Variants in FHAD1 observed in about 807,000 individuals in gnomAD.
The protein encoded by FHAD1 is forkhead associated phosphopeptide binding domain 1, also known as forkhead-associated domain-containing protein 1.
FHAD1 carries 146 observed loss-of-function variants against 191.3 expected under a neutral mutation model. The observed-to-expected ratio is 0.76, with a 90% confidence interval of 0.67 to 0.88. FHAD1 has a LOEUF of 0.88. FHAD1 is among the 40% of genes least tolerant of loss of function. FHAD1 has a pLI of 0.00. For synonymous variants in FHAD1, 616 were observed against 672.3 expected (o/e 0.92, Z 1.29); for missense variants, 1,635 against 1,785.8 (o/e 0.92, Z 1.52).
chr1:15,347,101 G>A lies in FHAD1; in HGVS notation c.2346+1578G>A, dbSNP rs182540947. On this transcript the variant is annotated intron_variant, in intron 18 of 33. Transcript: ENST00000688493. ...CAGGACAGAGAGACGTTTACATGTCGGTTCTCCCTTGGCGTCTCTGGCACA... is the reference window on the plus strand; with the variant it reads ...CAGGACAGAGAGACGTTTACATGTCAGTTCTCCCTTGGCGTCTCTGGCACA... 3.3e-3 allele frequency among the ~76,000 whole-genome samples: 503 copies of A among 152,324 alleles called. 3 individuals are homozygous for A. The highest frequency in any genetic ancestry group is 0.014 in the Middle Eastern group (4 of 294).
chr1:15,305,533 CA>C (rs1670191995), intron 6 of FHAD1, among the ~76,000 whole-genome samples: 1 of 152,192 alleles, frequency 6.6e-6, no homozygotes, highest in Non-Finnish European at 1.5e-5. Context: ...TCCTCACTTG[CA>C]AAATGGGAGC....
Position 15,318,471 on chromosome 1 carries a change from T to C in FHAD1, c.1365+543T>C, listed in dbSNP as rs1319093810. The stretch of plus-strand genomic sequence containing the variant: ...CAATGTGGTGAAACCCCGTCTCTAC[T>C]AAAAATACAAAAATTAGCCAGATGT... On this transcript the variant is annotated intron_variant, in intron 10 of 33. Coordinates refer to ENST00000688493, the MANE Select transcript of FHAD1 (RefSeq NM_001391957.1). The surrounding 1 kb of genome is among the most constrained non-coding windows in gnomAD (Gnocchi z 4.1). Among the ~76,000 whole-genome samples, 1 of 152,048 alleles carries C rather than the reference T, an allele frequency of 6.6e-6. No individual in the cohort carries two copies. Among genetic ancestry groups the C allele is most frequent in the Non-Finnish European group, 1.5e-5 (1 of 67,998 alleles).
At chr1:15,360,361 T>C in intron 21 of FHAD1, 117 bp from the exon 22 acceptor site, 1 of 801,846 alleles carries the variant, frequency 1.2e-6, no homozygotes, top group Non-Finnish European at 2.0e-6. Context: ...GAACTGCATG[T>C]GCTAAGGCCC....
intron 22 of FHAD1, among the ~76,000 whole-genome samples, 166 bp from the exon 23 acceptor site, chr1:15,362,476 T>C (rs1339927725): frequency 2.6e-5 from 4 of 152,188 alleles, no homozygotes; most frequent in African/African-American, 9.7e-5. Flanking sequence ...GCCACACACT[T>C]GGGGAGAGCC....
At chr1:15,355,310 C>A (rs1209156696) in intron 20 of FHAD1, among the ~76,000 whole-genome samples, 1 of 152,130 alleles carries the variant, frequency 6.6e-6, no homozygotes, top group Non-Finnish European at 1.5e-5. Flanking sequence ...AGGAATTCAC[C>A]ATTTACCAGG....
rs907341970 is a variant in FHAD1, at chr1:15,329,275, C to T, written c.1711-71C>T. 3.9e-6 allele frequency: 5 copies of T among 1,295,892 alleles called. No homozygotes were observed. Among genetic ancestry groups the T allele is most frequent in the South Asian group, 1.6e-5 (1 of 61,710 alleles). 80.3% of individuals were successfully genotyped at this position (1,295,892 alleles called of 1,614,324 possible). On this transcript the variant is annotated intron_variant, in intron 13 of 33. Transcript: ENST00000688493. This position sits in a 1 kb window ranked among gnomAD's most constrained non-coding sequence, Gnocchi z 5.0. ...TCGTGGCAGAGTCAAGAACGCTGTT[C>T]CTCGAAGGTCACGTCAGGGGCTATT...
intron 2 of FHAD1, among the ~76,000 whole-genome samples, chr1:15,268,039 C>T (rs1286224498): frequency 6.6e-6 from 1 of 150,448 alleles, no homozygotes; most frequent in Non-Finnish European, 1.5e-5. Flanking sequence ...TACATGTGCA[C>T]AATGTGCAGG....
intron 19 of FHAD1, 32 bp from the exon 20 acceptor site, chr1:15,352,845 C>CAATGAA: frequency 1.4e-6 from 2 of 1,464,244 alleles, no homozygotes; most frequent in Non-Finnish European, 9.4e-7. Flanking sequence ...TTTGAGGGCA[C>CAATGAA]AGGCCCTCAA....
chr1:15,287,471 C>G (rs532532043), intron 3 of FHAD1, among the ~76,000 whole-genome samples: 1 of 152,284 alleles, frequency 6.6e-6, no homozygotes, highest in South Asian at 2.1e-4. Context: ...CACATGGCGG[C>G]AGCAAGGAGA....
intron 33 of FHAD1, among the ~76,000 whole-genome samples, chr1:15,391,809 G>T (rs1379431051): frequency 6.6e-6 from 1 of 152,210 alleles, no homozygotes; most frequent in Non-Finnish European, 1.5e-5. Flanking sequence ...AGGACAGAAG[G>T]TGGCTGCTGC....
chr1:15,257,013 A>G (rs1034633068), intron 2 of FHAD1, among the ~76,000 whole-genome samples: 1 of 152,180 alleles, frequency 6.6e-6, no homozygotes, highest in Non-Finnish European at 1.5e-5. Flanking sequence ...ATCCAACCCA[A>G]TGAGTTGTAT....
chr1:15,381,460 G>C lies in FHAD1; in HGVS notation c.4022+9G>C, dbSNP rs1046931276. On this transcript the variant is annotated intron_variant, in intron 30 of 33. Coordinates refer to ENST00000688493, the MANE Select transcript of FHAD1 (RefSeq NM_001391957.1). This position sits in a 1 kb window ranked among gnomAD's most constrained non-coding sequence, Gnocchi z 4.6. Reference sequence around the variant, plus strand: ...GACGTTGAACAGCTCAGGTACCTCGGCACCCCCATGTCCCCACAGAAAGGC... The same window carrying C: ...GACGTTGAACAGCTCAGGTACCTCGCCACCCCCATGTCCCCACAGAAAGGC... 6.5e-6 allele frequency: 10 copies of C among 1,547,354 alleles called. No individual in the cohort carries two copies. Among genetic ancestry groups the C allele is most frequent in the African/African-American group, 2.7e-5 (2 of 72,910 alleles).
intron 31 of FHAD1, chr1:15,383,740 G>A (rs1701450032): frequency 3.2e-6 from 1 of 308,744 alleles, no homozygotes; most frequent in East Asian, 8.5e-5. Context: ...CCTGAGCTTT[G>A]CAGCCGTGAT....
At position 15,389,447 on chromosome 1, in the gene FHAD1, C is replaced by CAAAAAAAAA. The variant is rs570569622; in HGVS notation, c.4269+1329_4269+1337dup. Among the ~76,000 whole-genome samples the CAAAAAAAAA allele has an allele frequency of 4.8e-3, 258 of 54,166 alleles. 16 individuals are homozygous for CAAAAAAAAA. Among genetic ancestry groups the CAAAAAAAAA allele is most frequent in the Middle Eastern group, 0.026 (2 of 78 alleles). The allele number at this position is 54,166 out of a possible 152,430, so 35.5% of individuals were successfully genotyped here. A position where few individuals can be genotyped will look rare whatever the true frequency, so the allele number is the denominator to read the frequency against. ...TGAGCAACAGAGGAAGAACCTGTCT[C>CAAAAAAAAA]AAAAAAAAAAAAAAAAAAAAACCTG... On this transcript the variant is annotated intron_variant, in intron 32 of 33. Coordinates refer to ENST00000688493, the MANE Select transcript of FHAD1 (RefSeq NM_001391957.1).
At position 15,297,463 on chromosome 1, in the gene FHAD1, T is replaced by A. The variant is rs116945765; in HGVS notation, c.678+670T>A. Among the ~76,000 whole-genome samples, 257 of 152,288 alleles carry A rather than the reference T, an allele frequency of 1.7e-3. 13 individuals are homozygous for A. The East Asian group carries it at 0.033, about 20-fold the overall frequency. On this transcript the variant is annotated intron_variant, in intron 5 of 33. Coordinates refer to ENST00000688493, the MANE Select transcript of FHAD1 (RefSeq NM_001391957.1). ...GATCAGGGCCTGACCTTGCAGCCAT[T>A]CTCAGAGTCTGTAAGGAGCAGAACC...
rs1178119175 is a variant in FHAD1, at chr1:15,318,913, T to C, written c.1365+985T>C. On this transcript the variant is annotated intron_variant, in intron 10 of 33. Transcript: ENST00000688493. This position sits in a 1 kb window ranked among gnomAD's most constrained non-coding sequence, Gnocchi z 4.1. ...AAATATCTTCGAGAGTCCTGAGCAG[T>C]GTGGACAGAATCTCTTTCTTTCCAT... Among the ~76,000 whole-genome samples, 3 of 152,218 alleles carry C rather than the reference T, an allele frequency of 2.0e-5. No individual in the cohort carries two copies. In the South Asian group the frequency reaches 6.2e-4, roughly 32 times the overall value.
intron 26 of FHAD1, among the ~76,000 whole-genome samples, chr1:15,373,519 A>AC (rs1308522945): frequency 6.6e-6 from 1 of 151,336 alleles, no homozygotes; most frequent in Non-Finnish European, 1.5e-5. Flanking sequence ...CAAAAAAAAA[A>AC]AATGGTGAAA....
chr1:15,354,017 G>A (rs562050701), intron 20 of FHAD1, among the ~76,000 whole-genome samples: 17 of 152,138 alleles, frequency 1.1e-4, no homozygotes, highest in Non-Finnish European at 2.4e-4. Context: ...CAAAGCAGTT[G>A]ATAAACATGC....
chr1:15,240,971 A>AG (rs1252632147), intron 1 of FHAD1, among the ~76,000 whole-genome samples: 4 of 150,526 alleles, frequency 2.7e-5, no homozygotes, highest in Admixed American at 2.0e-4. Flanking sequence ...AAAAAAAAAA[A>AG]AAAAAGAAAG....
Sources: allele counts gnomAD v4.1 joint callset (sites outside exome capture counted in the v4.1 genomes callset), GRCh38; gene constraint gnomAD v4.1.1; non-coding constraint Gnocchi (gnomAD v3.1); transcripts MANE v1.5; gene names NCBI Gene and HGNC (gene_info 2026-07-23, HGNC 2026-07-21).